The following ZNF268 variants were observed in gnomAD, a reference collection of about 807,000 sequenced individuals.
ZNF268 encodes zinc finger protein 268.
Under a neutral mutation model 29.3 loss-of-function variants are expected in ZNF268, and 20 were observed. That is an observed-to-expected ratio of 0.68 (90% CI 0.48 to 0.99). The LOEUF is 0.99. ZNF268 is among the 50% of genes least tolerant of loss of function. The pLI is 0.00. For synonymous variants in ZNF268, 429 were observed against 376.9 expected (o/e 1.14, Z -1.60); for missense variants, 1,240 against 1,121.6 (o/e 1.11, Z -1.51).
chr12:133,190,701 T>C (rs1956446658), intron 3 of ZNF268, among the ~76,000 whole-genome samples: 2 of 152,224 alleles, frequency 1.3e-5, no homozygotes, highest in African/African-American at 4.8e-5. Flanking sequence ...TAGTGCCCTT[T>C]CACAGATTTC....
rs1329245989 is a variant in ZNF268, at chr12:133,212,083, T to C, written c.*7553T>C. ...CCATGCAGGACATGGATGAATCTGA[T>C]AGGCATATTGCTAAGTGAAAGAGAC... On this transcript the variant is annotated 3_prime_UTR_variant, in exon 6 of 6. Coordinates refer to ENST00000536435, the MANE Select transcript of ZNF268 (RefSeq NM_003415.3). 6.6e-6 allele frequency: 1 copy of C among 152,178 alleles called. No individual in the cohort carries two copies. The highest frequency in any genetic ancestry group is 1.5e-5 in the Non-Finnish European group (1 of 68,024). The allele number at this position is 152,178 out of a possible 1,614,324, so 9.4% of individuals were successfully genotyped here. A position where few individuals can be genotyped will look rare whatever the true frequency, so the allele number is the denominator to read the frequency against.
Position 133,204,641 on chromosome 12 carries a change from A to G in ZNF268, c.*111A>G, listed in dbSNP as rs1039816038. On this transcript the variant is annotated 3_prime_UTR_variant, in exon 6 of 6. Coordinates refer to ENST00000536435, the MANE Select transcript of ZNF268 (RefSeq NM_003415.3). ...GTCATCTTCCAGAAAACTCATACTG[A>G]ATAGAAACTTTATGAATGCACAGCA... 6.3e-5 allele frequency: 51 copies of G among 809,838 alleles called. 1 individual carries two copies. Among genetic ancestry groups the G allele is most frequent in the East Asian group, 5.2e-4 (17 of 32,830 alleles). The allele number at this position is 809,838 out of a possible 1,614,324, so 50.2% of individuals were successfully genotyped here. A position where few individuals can be genotyped will look rare whatever the true frequency, so the allele number is the denominator to read the frequency against.
At chr12:133,192,783 C>T (rs1172757485) in intron 5 of ZNF268, among the ~76,000 whole-genome samples, 1 of 152,012 alleles carries the variant, frequency 6.6e-6, no homozygotes, top group Non-Finnish European at 1.5e-5. Flanking sequence ...CTTCAGCCTT[C>T]CAAGTAGCTG....
At chr12:133,201,643 T>C (rs539535986) in intron 5 of ZNF268, among the ~76,000 whole-genome samples, 1 of 152,200 alleles carries the variant, frequency 6.6e-6, no homozygotes, top group South Asian at 2.1e-4. Context: ...TTTATTTTTA[T>C]CCATTTACTA....
chr12:133,187,481 G>A (rs1414731273), intron 2 of ZNF268, among the ~76,000 whole-genome samples: 1 of 151,942 alleles, frequency 6.6e-6, no homozygotes, highest in Non-Finnish European at 1.5e-5. Context: ...TTTATTGTCT[G>A]TCAGAGCCTC....
intron 5 of ZNF268, among the ~76,000 whole-genome samples, chr12:133,196,873 G>A (rs1431878332): frequency 6.6e-6 from 1 of 151,998 alleles, no homozygotes; most frequent in Non-Finnish European, 1.5e-5. Context: ...ATGAATAAGA[G>A]GGATCAGATT....
chr12:133,183,393 G>A (rs774052389), intron 2 of ZNF268, among the ~76,000 whole-genome samples: 48 of 151,840 alleles, frequency 3.2e-4, no homozygotes, highest in Non-Finnish European at 6.3e-4. Flanking sequence ...CCTGTTACTC[G>A]GGAGGCTGAG....
Position 133,204,229 on chromosome 12 carries a change from A to T in ZNF268, c.2543A>T (p.Lys848Ile). 6.5e-7 allele frequency: 1 copy of T among 1,542,162 alleles called. No homozygotes were observed. Among genetic ancestry groups the T allele is most frequent in the Non-Finnish European group, 8.7e-7 (1 of 1,148,012 alleles). The stretch of plus-strand genomic sequence containing the variant: ...CAATGTGAGAAATCCTTCAGTGGGA[A>T]ATTACGCCTTCTTGTACACCAGAGA... ...CSQCEKSFSG[K>I]LRLLVHQRMH... Residue 848 changes from lysine to isoleucine, a missense_variant, in exon 6 of 6, where the codon AAA becomes ATA. Physicochemically the swap from Lys to Ile is moderately radical, Grantham distance 102. Transcript: ENST00000536435.
chr12:133,190,084 A>G (rs900077018), intron 3 of ZNF268, among the ~76,000 whole-genome samples: 3 of 152,250 alleles, frequency 2.0e-5, no homozygotes, highest in Non-Finnish European at 4.4e-5. Flanking sequence ...CTAGGGTTAC[A>G]GGCGTGAGCC....
At chr12:133,193,391 G>T in intron 5 of ZNF268, 1 of 620,926 alleles carries the variant, frequency 1.6e-6, no homozygotes, top group South Asian at 1.9e-5. Flanking sequence ...CTATAGACTA[G>T]GTAATTTTAT....
Position 133,212,689 on chromosome 12 carries a change from C to T in ZNF268, c.*8159C>T, listed in dbSNP as rs1566397029. Reference sequence around the variant, plus strand: ...TACATTCCACCAGCAGTGCACAAGGCTTCCAATTTCTCCACATACTTGCCA... The same window carrying T: ...TACATTCCACCAGCAGTGCACAAGGTTTCCAATTTCTCCACATACTTGCCA... On this transcript the variant is annotated 3_prime_UTR_variant, in exon 6 of 6. Transcript: ENST00000536435. 1.3e-5 allele frequency: 2 copies of T among 151,902 alleles called. No homozygotes were observed. Among genetic ancestry groups the T allele is most frequent in the Non-Finnish European group, 2.9e-5 (2 of 67,980 alleles). The allele number at this position is 151,902 out of a possible 1,614,324, so 9.4% of individuals were successfully genotyped here.
In ZNF268 at chr12:133,203,462, T is replaced by G. The variant is rs1442826371; in HGVS notation, c.1776T>G (p.Ala592=). 3 of 1,541,932 alleles carry G rather than the reference T, an allele frequency of 1.9e-6. No homozygotes were observed. Among genetic ancestry groups the G allele is most frequent in the Middle Eastern group, 1.7e-4 (1 of 5,994 alleles). ...ATGAATGCACCGACTGTGGAAAGGC[T>G]TTTGGTTTAAAGTCACAGCTTATTA... is the stretch of plus-strand genomic sequence containing the variant. ...KPYECTDCGK[A]FGLKSQLIIH... Residue 592 remains alanine, a synonymous_variant, in exon 6 of 6, where the codon GCT becomes GCG. Transcript: ENST00000536435.
chr12:133,196,551 G>C (rs1289602330), intron 5 of ZNF268, among the ~76,000 whole-genome samples: 3 of 152,166 alleles, frequency 2.0e-5, no homozygotes, highest in Non-Finnish European at 2.9e-5. Context: ...AGAAGGAATG[G>C]AAGGATAAAG....
At chr12:133,199,174 G>C (rs1292308506) in intron 5 of ZNF268, among the ~76,000 whole-genome samples, 1 of 152,138 alleles carries the variant, frequency 6.6e-6, no homozygotes, top group Non-Finnish European at 1.5e-5. Context: ...CTGTGGGTTT[G>C]TCATAGATAG....
At chr12:133,192,203 G>C (rs1167011726) in intron 5 of ZNF268, among the ~76,000 whole-genome samples, 200 bp downstream of exon 5, 1 of 151,544 alleles carries the variant, frequency 6.6e-6, no homozygotes, top group East Asian at 1.9e-4. Flanking sequence ...TGCCTCCTGG[G>C]TTCAAGCAAT....
At chr12:133,185,031 A>G (rs1199179228) in intron 2 of ZNF268, among the ~76,000 whole-genome samples, 1 of 151,830 alleles carries the variant, frequency 6.6e-6, no homozygotes, top group Non-Finnish European at 1.5e-5. Flanking sequence ...TAAAAATATG[A>G]AAATTAGCTG....
At chr12:133,188,159 GAGGGTTA>G (rs1956372031) in intron 3 of ZNF268, 87 bp downstream of exon 3, 6 of 1,253,882 alleles carry the variant, frequency 4.8e-6, no homozygotes, top group Non-Finnish European at 6.6e-6. Flanking sequence ...CCTTAGGTCA[GAGGGTTA>G]AGTTAATCAC....
intron 2 of ZNF268, among the ~76,000 whole-genome samples, chr12:133,187,338 A>G (rs920387725): frequency 2.6e-5 from 4 of 151,970 alleles, no homozygotes; most frequent in African/African-American, 7.2e-5. Flanking sequence ...TCACATTTCT[A>G]AGCATCTACT....
chr12:133,212,190 T>G lies in ZNF268; in HGVS notation c.*7660T>G, dbSNP rs918184933. 2.6e-5 allele frequency: 4 copies of G among 152,110 alleles called. No homozygotes were observed. Among genetic ancestry groups the G allele is most frequent in the African/African-American group, 4.8e-5 (2 of 41,410 alleles). 9.4% of individuals were successfully genotyped at this position (152,110 alleles called of 1,614,324 possible). On this transcript the variant is annotated 3_prime_UTR_variant, in exon 6 of 6. Coordinates refer to ENST00000536435, the MANE Select transcript of ZNF268 (RefSeq NM_003415.3). ...ACAGGGGTAGCAAACATATCTGTGATTGATGACGGTTTGTAGAGGGCAGGG... is the reference window on the plus strand; with the variant it reads ...ACAGGGGTAGCAAACATATCTGTGAGTGATGACGGTTTGTAGAGGGCAGGG...
Sources: allele counts gnomAD v4.1 joint callset (sites outside exome capture counted in the v4.1 genomes callset), GRCh38; gene constraint gnomAD v4.1.1; transcripts MANE v1.5; gene names NCBI Gene and HGNC (gene_info 2026-07-23, HGNC 2026-07-21).